CDK5RAP2: variants seen among roughly 807,000 people sequenced by gnomAD.
CDK5RAP2 encodes the protein CDK5 regulatory subunit associated protein 2, also known as CDK5 regulatory subunit-associated protein 2.
A neutral mutation model predicts 232.9 loss-of-function variants in CDK5RAP2; 147 were observed. The observed-to-expected ratio is 0.63, with a 90% CI of 0.55 to 0.72. CDK5RAP2 has a LOEUF of 0.72. CDK5RAP2 is among the 30% of genes least tolerant of loss of function. The pLI, the probability that CDK5RAP2 is intolerant of heterozygous loss-of-function variation, is 0.00. For synonymous variants in CDK5RAP2, 833 were observed against 833.7 expected, an observed-to-expected ratio of 1.00 and a Z score of 0.01; for missense variants, 2,195 against 2,231.5, an observed-to-expected ratio of 0.98 and a Z score of 0.33.
chr9:120,437,981 T>C lies in CDK5RAP2; in HGVS notation c.3723-454A>G, dbSNP rs1052983716. Among the ~76,000 whole-genome samples, 7 of 152,178 alleles carry C rather than the reference T, an allele frequency of 4.6e-5. 1 individual carries two copies. Among genetic ancestry groups the C allele is most frequent in the African/African-American group, 1.7e-4 (7 of 41,434 alleles). On this transcript the variant is annotated intron_variant, in intron 24 of 37. Coordinates refer to ENST00000349780, the MANE Select transcript of CDK5RAP2 (RefSeq NM_018249.6). ...TGAATAATCATGATGCTAACTACCA[T>C]TTACTGAGGGTCTAGGACCTGTCAG... is the stretch of plus-strand genomic sequence containing the variant.
At chr9:120,418,871 A>C (rs1368513566) in intron 27 of CDK5RAP2, among the ~76,000 whole-genome samples, 1 of 152,176 alleles carries the variant, frequency 6.6e-6, no homozygotes, top group African/African-American at 2.4e-5. Flanking sequence ...CACCATACTT[A>C]TCTCTTTTAC....
chr9:120,397,440 C>A (rs564914555), intron 35 of CDK5RAP2, among the ~76,000 whole-genome samples: 5 of 149,606 alleles, frequency 3.3e-5, no homozygotes, highest in Non-Finnish European at 7.4e-5. Flanking sequence ...CTATGTTGCT[C>A]AGGCTGCTCT....
rs928596645 is a variant in CDK5RAP2 at position 120,464,662 on chromosome 9, T to C, written c.2106+3198A>G. 9.2e-5 allele frequency among the ~76,000 whole-genome samples: 14 copies of C among 152,024 alleles called. No homozygotes were observed. The East Asian group carries it at 2.3e-3, about 25-fold the overall frequency. ...ATTTTAACAAGACTCTCAGGAAATA[T>C]ATGTGCACATTAAACTTCAGAAGCA... On this transcript the variant is annotated intron_variant, in intron 18 of 37. Transcript: ENST00000349780.
intron 12 of CDK5RAP2, among the ~76,000 whole-genome samples, chr9:120,512,447 T>C (rs1037269791): frequency 1.3e-5 from 2 of 152,238 alleles, no homozygotes; most frequent in Non-Finnish European, 2.9e-5. Context: ...TTTCATTTAA[T>C]CTTATGACTT....
At chr9:120,542,962 G>C (rs1450915794) in intron 5 of CDK5RAP2, among the ~76,000 whole-genome samples, 2 of 152,196 alleles carry the variant, frequency 1.3e-5, no homozygotes, top group African/African-American at 4.8e-5. Flanking sequence ...GAGGAGGTGA[G>C]AGGGGAGGAG....
chr9:120,398,039 A>T (rs2032671364), intron 35 of CDK5RAP2, among the ~76,000 whole-genome samples: 1 of 152,192 alleles, frequency 6.6e-6, no homozygotes, highest in Admixed American at 6.5e-5. Flanking sequence ...CCTGCCCCAG[A>T]CCTAGCAACA....
chr9:120,542,221 C>T (rs563125599), intron 5 of CDK5RAP2, among the ~76,000 whole-genome samples: 3 of 152,152 alleles, frequency 2.0e-5, no homozygotes, highest in Admixed American at 6.6e-5. Flanking sequence ...GAGAAAAGCA[C>T]GGCCAGGCAT....
intron 21 of CDK5RAP2, 43 bp from the exon 22 acceptor site, chr9:120,448,169 C>G: frequency 1.4e-6 from 2 of 1,477,428 alleles, no homozygotes; most frequent in South Asian, 1.1e-5. Flanking sequence ...TTTGAACACA[C>G]TTCCTTTGGT....
chr9:120,535,962 A>G (rs950757329), intron 7 of CDK5RAP2, among the ~76,000 whole-genome samples: 7 of 152,194 alleles, frequency 4.6e-5, no homozygotes, highest in African/African-American at 1.2e-4. Context: ...AAGAACCACA[A>G]GAGAAATTTC....
intron 3 of CDK5RAP2, 134 bp downstream of exon 3, chr9:120,568,186 TC>T: frequency 1.3e-6 from 1 of 762,302 alleles, no homozygotes; most frequent in Non-Finnish European, 2.4e-6. Context: ...ACAGAAGATG[TC>T]CATGAGACAT....
chr9:120,488,512 G>A (rs1227367995), intron 13 of CDK5RAP2, among the ~76,000 whole-genome samples: 1 of 152,094 alleles, frequency 6.6e-6, no homozygotes, highest in Non-Finnish European at 1.5e-5. Flanking sequence ...CCCACTCCCA[G>A]AGAAAAACAA....
chr9:120,534,364 C>A (rs1041539378), intron 7 of CDK5RAP2, among the ~76,000 whole-genome samples: 1 of 152,096 alleles, frequency 6.6e-6, no homozygotes, highest in Non-Finnish European at 1.5e-5. Flanking sequence ...GTACTTCTCC[C>A]GGGAAGCTTT....
intron 36 of CDK5RAP2, chr9:120,390,185 T>G (rs2031809554): frequency 4.8e-6 from 1 of 209,090 alleles, no homozygotes. Flanking sequence ...CAGCACTCTT[T>G]AGTTTCCTAG....
intron 3 of CDK5RAP2, among the ~76,000 whole-genome samples, chr9:120,560,407 A>G (rs1210170442): frequency 6.6e-6 from 1 of 152,108 alleles, no homozygotes; most frequent in African/African-American, 2.4e-5. Context: ...CAACCCACCC[A>G]TACTGCTGTC....
At position 120,418,457 on chromosome 9, in the gene CDK5RAP2, T is replaced by C. The variant is rs367997336; in HGVS notation, c.4177+1331A>G. 5.3e-5 allele frequency among the ~76,000 whole-genome samples: 8 copies of C among 152,288 alleles called. No individual in the cohort carries two copies. The East Asian group carries it at 9.6e-4, about 18-fold the overall frequency. The stretch of plus-strand genomic sequence containing the variant: ...GCTGCATTGTAAACACCACTTTCCT[T>C]CTGGTTCCTCAATCAAGTCTGCACA... On this transcript the variant is annotated intron_variant, in intron 27 of 37. Transcript: ENST00000349780.
intron 2 of CDK5RAP2, among the ~76,000 whole-genome samples, chr9:120,570,303 C>T (rs1273723948): frequency 6.6e-6 from 1 of 152,156 alleles, no homozygotes. Flanking sequence ...CTGACTTATT[C>T]AGGTCTCCGC....
intron 12 of CDK5RAP2, among the ~76,000 whole-genome samples, chr9:120,492,645 G>A (rs993422046): frequency 1.3e-5 from 2 of 152,194 alleles, no homozygotes; most frequent in Non-Finnish European, 2.9e-5. Context: ...TAACTTTGAA[G>A]CAGAATAATT....
At chr9:120,474,128 C>A (rs188577571) in intron 15 of CDK5RAP2, among the ~76,000 whole-genome samples, 394 of 152,244 alleles carry the variant, frequency 2.6e-3, no homozygotes, top group Admixed American at 7.5e-3. Context: ...AATAATAATA[C>A]CTTTGCTTTG....
intron 7 of CDK5RAP2, among the ~76,000 whole-genome samples, chr9:120,534,768 G>A (rs2041310888): frequency 6.6e-6 from 1 of 152,124 alleles, no homozygotes; most frequent in African/African-American, 2.4e-5. Context: ...TTCTTCTTTG[G>A]TGGCTGCTCA....
Sources: gnomAD v4.1 joint callset for allele counts (sites outside exome capture counted in the v4.1 genomes callset) on GRCh38, gnomAD v4.1.1 for gene constraint, MANE v1.5 for transcripts, NCBI Gene and HGNC (gene_info 2026-07-23, HGNC 2026-07-21) for gene names.